LRMDA: variants seen among roughly 807,000 people sequenced by gnomAD.
LRMDA encodes the protein leucine-rich melanocyte differentiation-associated protein.
In LRMDA, 18 loss-of-function variants were observed where a neutral mutation model predicts 29.8. That is an observed-to-expected ratio of 0.60 (90% CI 0.42 to 0.90). The LOEUF is 0.90. Ranked by LOEUF, LRMDA falls within the 40% of genes least tolerant of loss-of-function variation. The probability of loss-of-function intolerance (pLI) is 0.00; values close to 1 mark genes in which losing one functional copy is unlikely to be tolerated. For synonymous variants in LRMDA, 125 were observed against 109.4 expected, an observed-to-expected ratio of 1.14 and a Z score of -0.89; for missense variants, 273 against 273.9, an observed-to-expected ratio of 1.00 and a Z score of 0.02.
intron 6 of LRMDA, among the ~76,000 whole-genome samples, chr10:76,425,978 C>T (rs967140897): frequency 3.3e-5 from 5 of 152,264 alleles, no homozygotes; most frequent in East Asian, 1.9e-4. Context: ...ATATGTGCCA[C>T]GTTTTCTTAA....
intron 5 of LRMDA, among the ~76,000 whole-genome samples, chr10:76,172,196 G>C (rs563733719): frequency 3.2e-4 from 49 of 152,204 alleles, no homozygotes; most frequent in African/African-American, 1.1e-3. Context: ...TCAAACACCT[G>C]CTACTAGGTC....
chr10:75,993,826 G>C (rs1234325362), intron 2 of LRMDA, among the ~76,000 whole-genome samples: 1 of 152,160 alleles, frequency 6.6e-6, no homozygotes, highest in Non-Finnish European at 1.5e-5. Context: ...TCTGTGCTTG[G>C]TGACTGGAAG....
chr10:75,916,025 T>C (rs1468842513), intron 2 of LRMDA, among the ~76,000 whole-genome samples: 1 of 152,082 alleles, frequency 6.6e-6, no homozygotes, highest in Non-Finnish European at 1.5e-5. Context: ...ATTGGGCCCA[T>C]TGGTATTAAT....
At chr10:75,955,927 A>G (rs1345679837) in intron 2 of LRMDA, among the ~76,000 whole-genome samples, 1 of 152,220 alleles carries the variant, frequency 6.6e-6, no homozygotes, top group African/African-American at 2.4e-5. Context: ...ATGAAAAAAG[A>G]AAGTTTATTA....
At position 75,692,219 on chromosome 10, in the gene LRMDA, AATATATATATAT is replaced by A. The variant is rs57600678; in HGVS notation, c.131+253743_131+253754del. Among the ~76,000 whole-genome samples the A allele has an allele frequency of 7.8e-3, 682 of 87,554 alleles. 14 individuals carry two copies. The highest frequency in any genetic ancestry group is 0.034 in the African/African-American group (615 of 18,086). 57.4% of individuals were successfully genotyped at this position (87,554 alleles called of 152,430 possible). A position where few individuals can be genotyped will look rare whatever the true frequency, so the allele number is the denominator to read the frequency against. On this transcript the variant is annotated intron_variant, in intron 2 of 6. Transcript: ENST00000611255. ...CTTGTCTCTGGGGGGAAAAAAAAAA[AATATATATATAT>A]ATATATATATATATATACATATATA...
chr10:76,222,152 A>G (rs2132259217), intron 5 of LRMDA, among the ~76,000 whole-genome samples: 1 of 152,190 alleles, frequency 6.6e-6, no homozygotes, highest in South Asian at 2.1e-4. Context: ...ATTAGACCTA[A>G]AACCATAAAA....
intron 2 of LRMDA, among the ~76,000 whole-genome samples, chr10:75,540,964 C>T (rs1840008156): frequency 1.3e-5 from 2 of 151,546 alleles, no homozygotes; most frequent in Admixed American, 6.6e-5. Flanking sequence ...CTTAGGGAAA[C>T]AAGTTTTGTT....
intron 2 of LRMDA, among the ~76,000 whole-genome samples, chr10:75,445,308 C>T (rs1252132216): frequency 1.9e-4 from 28 of 149,844 alleles, no homozygotes; most frequent in Admixed American, 1.2e-3. Flanking sequence ...TTTTTTTTTT[C>T]CAAATTTCTA....
chr10:75,613,128 TTG>T (rs1554815941), intron 2 of LRMDA, among the ~76,000 whole-genome samples: 1 of 151,936 alleles, frequency 6.6e-6, no homozygotes, highest in African/African-American at 2.4e-5. Flanking sequence ...TTTTTTTTTT[TTG>T]TAGCAGTTAA....
At position 75,952,491 on chromosome 10, in the gene LRMDA, C is replaced by T. The variant is rs566014086; in HGVS notation, c.132-83517C>T. 7.9e-5 allele frequency among the ~76,000 whole-genome samples: 12 copies of T among 152,264 alleles called. No individual in the cohort carries two copies. The East Asian group carries it at 2.1e-3, about 27-fold the overall frequency. On this transcript the variant is annotated intron_variant, in intron 2 of 6. Transcript: ENST00000611255. Reference sequence around the variant, plus strand: ...GTTTCTTCAGATACGTTTGTGTTCTCTCCCACTCTCTCTCTCTCTGATCAC... The same window carrying T: ...GTTTCTTCAGATACGTTTGTGTTCTTTCCCACTCTCTCTCTCTCTGATCAC...
At chr10:76,467,086 G>A (rs554584991) in intron 6 of LRMDA, among the ~76,000 whole-genome samples, 3 of 152,280 alleles carry the variant, frequency 2.0e-5, no homozygotes, top group African/African-American at 7.2e-5. Flanking sequence ...ACATCCTTAA[G>A]TAATCCCTTA....
intron 2 of LRMDA, among the ~76,000 whole-genome samples, chr10:75,555,394 C>T (rs1432625437): frequency 1.3e-5 from 2 of 152,090 alleles, no homozygotes; most frequent in Non-Finnish European, 2.9e-5. Flanking sequence ...TTCAGGACAA[C>T]CTTAGCTGCT....
At chr10:76,235,309 CA>C (rs1293908204) in intron 5 of LRMDA, among the ~76,000 whole-genome samples, 1 of 151,942 alleles carries the variant, frequency 6.6e-6, no homozygotes, top group Non-Finnish European at 1.5e-5. Context: ...ATAATGAAAT[CA>C]AAGATCACTG....
intron 6 of LRMDA, among the ~76,000 whole-genome samples, chr10:76,550,634 C>G (rs1843483160): frequency 6.6e-6 from 1 of 152,088 alleles, no homozygotes; most frequent in African/African-American, 2.4e-5. Context: ...GGTTGGGAAA[C>G]AAGTCTCACA....
chr10:75,826,196 T>C (rs1298545724), intron 2 of LRMDA, among the ~76,000 whole-genome samples: 4 of 152,192 alleles, frequency 2.6e-5, no homozygotes, highest in Non-Finnish European at 5.9e-5. Flanking sequence ...AAAGGAATCG[T>C]AGGAGACGTT....
intron 6 of LRMDA, among the ~76,000 whole-genome samples, chr10:76,382,790 G>A (rs554009061): frequency 6.6e-6 from 1 of 152,108 alleles, no homozygotes; most frequent in African/African-American, 2.4e-5. Context: ...ATCTGGAAGG[G>A]GAGTTTCTGC....
intron 5 of LRMDA, among the ~76,000 whole-genome samples, chr10:76,065,904 C>G (rs751680673): frequency 6.6e-6 from 1 of 152,214 alleles, no homozygotes; most frequent in Non-Finnish European, 1.5e-5. Flanking sequence ...ACTCACTGCT[C>G]GCACACGTCT....
At chr10:75,888,006 C>G (rs1845419282) in intron 2 of LRMDA, among the ~76,000 whole-genome samples, 1 of 152,116 alleles carries the variant, frequency 6.6e-6, no homozygotes, top group Admixed American at 6.5e-5. Flanking sequence ...TAGTCAATGA[C>G]TCTGGATTCT....
chr10:75,842,830 C>G (rs745360957), intron 2 of LRMDA, among the ~76,000 whole-genome samples: 1 of 151,442 alleles, frequency 6.6e-6, no homozygotes, highest in Non-Finnish European at 1.5e-5. Flanking sequence ...GAGCTGGAGT[C>G]CAGTAACACA....
Sources: gnomAD v4.1 joint callset for allele counts (sites outside exome capture counted in the v4.1 genomes callset) on GRCh38, gnomAD v4.1.1 for gene constraint, MANE v1.5 for transcripts, NCBI Gene and HGNC (gene_info 2026-07-23, HGNC 2026-07-21) for gene names.